Variants in PRP4K observed in about 807,000 individuals in gnomAD.
PRP4K encodes serine/threonine-protein kinase PRP4 homolog.
At chr6:4,047,112 C>A in the PRP4K span, 1 of 1,388,050 alleles carries the variant, frequency 7.2e-7, no homozygotes, top group Non-Finnish European at 1.0e-6. Flanking sequence ...ACTTCCCATT[C>A]ACTTATTTTG....
the PRP4K span, among the ~76,000 whole-genome samples, chr6:4,058,267 T>C: frequency 6.6e-6 from 1 of 152,188 alleles, no homozygotes; most frequent in South Asian, 2.1e-4. Context: ...TAGGTTGGAC[T>C]TTTTTTAGAA....
the PRP4K span, chr6:4,032,402 A>G: frequency 6.2e-7 from 1 of 1,614,116 alleles, no homozygotes; most frequent in Admixed American, 1.7e-5. Context: ...CCAGATCCCC[A>G]GTTGATTTAA....
At chr6:4,059,737 C>G in the PRP4K span, among the ~76,000 whole-genome samples, 1 of 152,120 alleles carries the variant, frequency 6.6e-6, no homozygotes, top group African/African-American at 2.4e-5. Flanking sequence ...CCTCTGCCTC[C>G]CAGGTTCAAG....
chr6:4,059,947 G>T, the PRP4K span, among the ~76,000 whole-genome samples: 3 of 152,154 alleles, frequency 2.0e-5, no homozygotes, highest in African/African-American at 7.2e-5. Context: ...GCCCAGCCCA[G>T]AGTTGGCATC....
chr6:4,036,031 A>G, the PRP4K span, among the ~76,000 whole-genome samples: 1 of 152,230 alleles, frequency 6.6e-6, no homozygotes, highest in East Asian at 1.9e-4. Flanking sequence ...AGACAAACCT[A>G]TTTACAATCT....
At chr6:4,055,425 A>G in the PRP4K span, among the ~76,000 whole-genome samples, 3 of 152,314 alleles carry the variant, frequency 2.0e-5, no homozygotes, top group Non-Finnish European at 4.4e-5. Flanking sequence ...TTAACTCTGG[A>G]TATCATTTAT....
the PRP4K span, among the ~76,000 whole-genome samples, chr6:4,024,727 C>T: frequency 6.6e-6 from 1 of 152,016 alleles, no homozygotes; most frequent in Admixed American, 6.6e-5. Context: ...CTCTGTCTCC[C>T]GAGTAGCTGG....
At chr6:4,047,896 A>G in the PRP4K span, among the ~76,000 whole-genome samples, 1 of 122,750 alleles carries the variant, frequency 8.1e-6, no homozygotes, top group African/African-American at 2.9e-5. Flanking sequence ...ATAGTCATGT[A>G]TATGTACACA....
At chr6:4,029,012 C>CTTTTT in the PRP4K span, among the ~76,000 whole-genome samples, 12 of 132,556 alleles carry the variant, frequency 9.1e-5, no homozygotes, top group Non-Finnish European at 1.3e-4. Context: ...TACTTGGAAT[C>CTTTTT]TTTTTTTTTT....
At chr6:4,024,794 G>A in the PRP4K span, among the ~76,000 whole-genome samples, 1 of 152,076 alleles carries the variant, frequency 6.6e-6, no homozygotes, top group Non-Finnish European at 1.5e-5. Context: ...GTAGAGACGG[G>A]ATTTCACCAT....
At chr6:4,041,495 G>A in the PRP4K span, among the ~76,000 whole-genome samples, 4 of 152,256 alleles carry the variant, frequency 2.6e-5, no homozygotes, top group Middle Eastern at 3.4e-3. Context: ...GAAGGTTGAA[G>A]TGAGCTTGAT....
the PRP4K span, chr6:4,052,114 G>A: frequency 3.3e-6 from 5 of 1,526,426 alleles, no homozygotes; most frequent in African/African-American, 2.8e-5. Flanking sequence ...CAAAACGTGT[G>A]CATTAAATTG....
the PRP4K span, among the ~76,000 whole-genome samples, chr6:4,053,124 G>A: frequency 1.9e-4 from 29 of 152,218 alleles, no homozygotes; most frequent in African/African-American, 6.3e-4. Context: ...TTTAAAGTGT[G>A]CACCAATCCT....
chr6:4,030,865 G>A, the PRP4K span, among the ~76,000 whole-genome samples: 13 of 152,086 alleles, frequency 8.5e-5, 1 homozygote, highest in Admixed American at 5.9e-4. Context: ...CCTAACTTCC[G>A]GTTTAGTTCA....
the PRP4K span, chr6:4,049,871 T>C: frequency 1.2e-6 from 2 of 1,613,990 alleles, no homozygotes; most frequent in Admixed American, 1.7e-5. Context: ...TCAGAAACAA[T>C]GAGCTCATGT....
At chr6:4,055,121 T>G in the PRP4K span, among the ~76,000 whole-genome samples, 12 of 152,188 alleles carry the variant, frequency 7.9e-5, 1 homozygote, top group Admixed American at 7.9e-4. Flanking sequence ...ACCACATTCC[T>G]CATGACAGGA....
the PRP4K span, among the ~76,000 whole-genome samples, chr6:4,051,055 G>A: frequency 2.6e-5 from 4 of 151,388 alleles, no homozygotes; most frequent in Middle Eastern, 3.2e-3. Flanking sequence ...GATTACAGGC[G>A]CCCACCACCA....
the PRP4K span, among the ~76,000 whole-genome samples, chr6:4,041,166 G>T: frequency 6.6e-6 from 1 of 152,128 alleles, no homozygotes; most frequent in African/African-American, 2.4e-5. Context: ...TCATTTTATT[G>T]TGAGCCTACC....
the PRP4K span, among the ~76,000 whole-genome samples, chr6:4,051,375 G>A: frequency 1.3e-5 from 2 of 152,104 alleles, no homozygotes; most frequent in South Asian, 2.1e-4. Flanking sequence ...GTGCGGTGGT[G>A]AGATCTCAGC....
Sources: allele counts gnomAD v4.1 joint callset (sites outside exome capture counted in the v4.1 genomes callset), GRCh38; gene constraint gnomAD v4.1.1; transcripts MANE v1.5; gene names NCBI Gene and HGNC (gene_info 2026-07-23, HGNC 2026-07-21).